The following NRG1 variants were observed in gnomAD, a reference collection of about 807,000 sequenced individuals.
NRG1 encodes the protein neuregulin 1.
NRG1 carries 18 observed loss-of-function variants against 63.8 expected under a neutral mutation model. That is an observed-to-expected ratio of 0.28 (90% CI 0.19 to 0.42). NRG1 has a LOEUF of 0.42. Among genes scored for constraint, NRG1 ranks in the 10% least tolerant of loss-of-function variants. The probability of loss-of-function intolerance (pLI) is 1.00; values close to 1 mark genes in which losing one functional copy is unlikely to be tolerated. For synonymous variants in NRG1, 302 were observed against 301.3 expected (o/e 1.00, Z -0.02); for missense variants, 762 against 814.7 (o/e 0.94, Z 0.79).
At chr8:32,730,122 A>G (rs1053445585) in intron 6 of NRG1, among the ~76,000 whole-genome samples, 1 of 152,182 alleles carries the variant, frequency 6.6e-6, no homozygotes, top group Non-Finnish European at 1.5e-5. Flanking sequence ...AAGTGAAATG[A>G]TAGGTAAAAG....
intron 1 of NRG1, among the ~76,000 whole-genome samples, chr8:31,825,739 A>G (rs1824486451): frequency 6.6e-6 from 1 of 152,206 alleles, no homozygotes; most frequent in African/African-American, 2.4e-5. Flanking sequence ...TTGAAATTCA[A>G]GTAGTCTGTA....
Position 31,989,253 on chromosome 8 carries a change from C to CAAAAAAAAAAAAA in NRG1, c.37+349830_37+349842dup, listed in dbSNP as rs10692906. ...CCTGGGTGAGAGAGAGACTCTGTCT[C>CAAAAAAAAAAAAA]AAAAAAAAAAAAAAAAAAAAGAACA... On this transcript the variant is annotated intron_variant, in intron 1 of 10. Transcript: ENST00000519301. 4.0e-3 allele frequency among the ~76,000 whole-genome samples: 188 copies of CAAAAAAAAAAAAA among 47,516 alleles called. 15 individuals are homozygous for CAAAAAAAAAAAAA. Among genetic ancestry groups the CAAAAAAAAAAAAA allele is most frequent in the Non-Finnish European group, 4.8e-3 (151 of 31,512 alleles). 31.2% of individuals were successfully genotyped at this position (47,516 alleles called of 152,430 possible).
intron 1 of NRG1, among the ~76,000 whole-genome samples, chr8:32,560,219 T>C (rs1300097786): frequency 6.6e-6 from 1 of 152,068 alleles, no homozygotes; most frequent in East Asian, 1.9e-4. Context: ...GCTTTTTTTT[T>C]TGTTTGCAAG....
chr8:31,882,603 TG>T (rs1313519731), intron 1 of NRG1, among the ~76,000 whole-genome samples: 3 of 152,132 alleles, frequency 2.0e-5, no homozygotes, highest in Admixed American at 2.0e-4. Flanking sequence ...GAAAAGCTTC[TG>T]GAGAGGATTC....
downstream of NRG1, among the ~76,000 whole-genome samples, chr8:32,769,596 A>T (rs753677448): frequency 6.6e-6 from 1 of 152,210 alleles, no homozygotes; most frequent in Non-Finnish European, 1.5e-5. Context: ...ACTTTATATG[A>T]ATCACTTTGC....
At chr8:32,093,232 T>C (rs901354620) in intron 1 of NRG1, among the ~76,000 whole-genome samples, 7 of 152,228 alleles carry the variant, frequency 4.6e-5, no homozygotes, top group African/African-American at 1.7e-4. Flanking sequence ...GTTTAATGGA[T>C]TTAGGGCTAT....
intron 1 of NRG1, among the ~76,000 whole-genome samples, chr8:31,940,514 A>G (rs1801592059): frequency 6.6e-6 from 1 of 152,230 alleles, no homozygotes; most frequent in African/African-American, 2.4e-5. Flanking sequence ...AGAACAAACC[A>G]AACTGAAACC....
chr8:32,631,547 G>C (rs1176392352), intron 5 of NRG1, among the ~76,000 whole-genome samples: 3 of 152,114 alleles, frequency 2.0e-5, no homozygotes, highest in Admixed American at 2.0e-4. Flanking sequence ...TTAGACTTTA[G>C]TAGGCATTTC....
chr8:32,444,436 A>G (rs1221754377), intron 1 of NRG1, among the ~76,000 whole-genome samples: 2 of 152,150 alleles, frequency 1.3e-5, no homozygotes, highest in Non-Finnish European at 1.5e-5. Flanking sequence ...CACCATGTCC[A>G]GCCCAATACC....
intron 1 of NRG1, among the ~76,000 whole-genome samples, chr8:31,729,148 G>A (rs1563335308): frequency 6.6e-6 from 1 of 152,256 alleles, no homozygotes; most frequent in East Asian, 1.9e-4. Flanking sequence ...AGTGATATAT[G>A]TTAGGTGAAG....
intron 1 of NRG1, among the ~76,000 whole-genome samples, chr8:31,686,710 G>A (rs1226918915): frequency 1.3e-5 from 2 of 151,822 alleles, no homozygotes; most frequent in Non-Finnish European, 2.9e-5. Context: ...TGCCAAATTG[G>A]CTACCTTTAG....
intron 1 of NRG1, among the ~76,000 whole-genome samples, chr8:31,957,190 G>GTTTTTTTTTTTT (rs5890609): frequency 6.8e-6 from 1 of 147,936 alleles, no homozygotes; most frequent in Non-Finnish European, 1.5e-5. Context: ...AAATCAAAGA[G>GTTTTTTTTTTTT]TTTTTTTTTT....
At chr8:32,559,408 C>G (rs928214546) in intron 1 of NRG1, among the ~76,000 whole-genome samples, 2 of 152,070 alleles carry the variant, frequency 1.3e-5, no homozygotes, top group African/African-American at 4.8e-5. Flanking sequence ...AAAGCCTCTT[C>G]TTTGGGTAAT....
intron 1 of NRG1, among the ~76,000 whole-genome samples, chr8:32,313,297 C>T (rs1038089624): frequency 5.3e-5 from 8 of 152,174 alleles, no homozygotes; most frequent in Middle Eastern, 3.2e-3. Context: ...ACTGCCCTTG[C>T]TACCTTTGGT....
intron 1 of NRG1, among the ~76,000 whole-genome samples, chr8:31,767,578 G>A (rs1818193822): frequency 1.3e-5 from 2 of 152,026 alleles, no homozygotes; most frequent in African/African-American, 2.4e-5. Context: ...GGTGGCTCTT[G>A]CCTATAATCC....
intron 11 of NRG1, chr8:32,760,805 C>T (rs1830557651): frequency 2.9e-6 from 3 of 1,018,060 alleles, no homozygotes; most frequent in Non-Finnish European, 3.5e-6. Flanking sequence ...AACTCTGATT[C>T]GGTGGTCGAG....
chr8:32,740,928 G>A (rs1450929970), intron 6 of NRG1, among the ~76,000 whole-genome samples: 1 of 152,162 alleles, frequency 6.6e-6, no homozygotes, highest in Non-Finnish European at 1.5e-5. Context: ...TAGGCTCTTT[G>A]CTTGATGGTT....
At chr8:31,877,247 C>T (rs562420459) in intron 1 of NRG1, among the ~76,000 whole-genome samples, 3 of 152,154 alleles carry the variant, frequency 2.0e-5, no homozygotes, top group South Asian at 2.1e-4. Context: ...TTTCGAACTC[C>T]GAAGACACCA....
At chr8:31,803,358 C>T (rs1204683233) in intron 1 of NRG1, among the ~76,000 whole-genome samples, 2 of 152,024 alleles carry the variant, frequency 1.3e-5, no homozygotes, top group Non-Finnish European at 2.9e-5. Flanking sequence ...AGAATAATTG[C>T]CTAAAGCCAC....
Sources: gnomAD v4.1 joint callset for allele counts (sites outside exome capture counted in the v4.1 genomes callset) on GRCh38, gnomAD v4.1.1 for gene constraint, MANE v1.5 for transcripts, NCBI Gene and HGNC (gene_info 2026-07-23, HGNC 2026-07-21) for gene names.